Variants in EXOC2 observed in about 807,000 individuals in gnomAD.
The protein encoded by EXOC2 is SEC5-like 1.
A neutral mutation model predicts 131.8 loss-of-function variants in EXOC2; 70 were observed. The ratio of observed to expected loss-of-function variants is 0.53; its 90% CI spans 0.44 to 0.65. EXOC2 has a LOEUF of 0.65. Among genes scored for constraint, EXOC2 ranks in the 30% least tolerant of loss-of-function variants. The pLI is 0.00. For missense variants in EXOC2, 923 were observed against 1,108.6 expected (o/e 0.83, Z 2.38); for synonymous variants, 411 against 398.4 (o/e 1.03, Z -0.38).
chr6:548,680 C>T (rs1561843556), intron 22 of EXOC2, among the ~76,000 whole-genome samples: 1 of 152,116 alleles, frequency 6.6e-6, no homozygotes, highest in Non-Finnish European at 1.5e-5. Flanking sequence ...TGTGTGTGCA[C>T]GCGTGCATGC....
At chr6:530,476 G>C (rs6938671) in intron 23 of EXOC2, among the ~76,000 whole-genome samples, 1 of 152,080 alleles carries the variant, frequency 6.6e-6, no homozygotes, top group Non-Finnish European at 1.5e-5. Flanking sequence ...CGGGCACAGA[G>C]AGTGGCAAGA....
intron 1 of EXOC2, among the ~76,000 whole-genome samples, chr6:677,044 CT>C (rs2127789158): frequency 2.4e-5 from 1 of 41,670 alleles, no homozygotes; most frequent in South Asian, 9.2e-4. Flanking sequence ...GAAAGGACAG[CT>C]TTCTCTGGAG....
chr6:617,656 G>C, intron 6 of EXOC2, 55 bp downstream of exon 6: 4 of 1,585,892 alleles, frequency 2.5e-6, no homozygotes, highest in Non-Finnish European at 3.4e-6. Context: ...CCTGCAGGCA[G>C]TGCCGGGTTT....
chr6:531,283 T>C (rs1766061424), intron 23 of EXOC2, among the ~76,000 whole-genome samples: 1 of 145,988 alleles, frequency 6.8e-6, no homozygotes, highest in African/African-American at 2.6e-5. Context: ...CCGGTTTTAC[T>C]ATCATGAGAA....
chr6:519,040 G>A (rs2050132), intron 23 of EXOC2, among the ~76,000 whole-genome samples: 2 of 147,260 alleles, frequency 1.4e-5, no homozygotes, highest in Non-Finnish European at 3.1e-5. Context: ...ACACAGAACC[G>A]CGTGAGGGAT....
chr6:520,885 GCCAACACTCA>G (rs1765392176), intron 23 of EXOC2, among the ~76,000 whole-genome samples: 6 of 129,264 alleles, frequency 4.6e-5, no homozygotes, highest in African/African-American at 1.2e-4. Context: ...CCCACCGAGC[GCCAACACTCA>G]CCGTCCACAC....
chr6:571,823 C>T (rs1230686608), intron 13 of EXOC2, among the ~76,000 whole-genome samples: 1 of 152,160 alleles, frequency 6.6e-6, no homozygotes, highest in East Asian at 1.9e-4. Flanking sequence ...CAGCCTAGGA[C>T]AAAGGGCGTT....
intron 13 of EXOC2, among the ~76,000 whole-genome samples, chr6:571,061 C>T (rs1036070928): frequency 2.6e-5 from 4 of 152,198 alleles, no homozygotes; most frequent in Non-Finnish European, 2.9e-5. Flanking sequence ...CTTATCAGGA[C>T]AAAACTGAAA....
intron 1 of EXOC2, chr6:689,066 A>C (rs575315037): frequency 6.6e-6 from 1 of 152,234 alleles, no homozygotes; most frequent in African/African-American, 2.4e-5. Flanking sequence ...TCAACGCTGC[A>C]CTTGTCACTG....
chr6:507,570 T>C (rs1270014353), intron 23 of EXOC2, among the ~76,000 whole-genome samples: 1 of 152,170 alleles, frequency 6.6e-6, no homozygotes, highest in African/African-American at 2.4e-5. Flanking sequence ...GGGCTTTTGC[T>C]TGATGAGAAT....
intron 1 of EXOC2, chr6:670,277 C>T (rs1464107480): frequency 2.0e-5 from 3 of 152,204 alleles, no homozygotes; most frequent in Admixed American, 1.3e-4. Flanking sequence ...GGCTGTATGT[C>T]CCTGTGCAGG....
chr6:555,867 C>T (rs1038402392), intron 19 of EXOC2, 87 bp downstream of exon 19: 6 of 1,298,530 alleles, frequency 4.6e-6, no homozygotes, highest in African/African-American at 4.5e-5. Flanking sequence ...ATTTGGTGAA[C>T]GTCATCTGCA....
intron 13 of EXOC2, among the ~76,000 whole-genome samples, chr6:567,415 T>G (rs1039005895): frequency 6.6e-6 from 1 of 152,244 alleles, no homozygotes; most frequent in African/African-American, 2.4e-5. Flanking sequence ...ATTGCTGATA[T>G]TCTGTCTTAC....
chr6:617,862 T>C, intron 5 of EXOC2, 27 bp from the exon 6 acceptor site: 1 of 1,607,634 alleles, frequency 6.2e-7, no homozygotes. Flanking sequence ...AAACCAAAGT[T>C]TGACACTTCT....
At position 487,640 on chromosome 6, in the gene EXOC2, C is replaced by T. The variant is rs536666298; in HGVS notation, c.2682-876G>A. On this transcript the variant is annotated intron_variant, in intron 27 of 27. Coordinates refer to ENST00000230449, the MANE Select transcript of EXOC2 (RefSeq NM_018303.6). ...CAGGATGGTCTTGATTTCCTGAAGTCGTGATCCGCCCACCTCAGCCTCCCA... is the reference window on the plus strand; with the variant it reads ...CAGGATGGTCTTGATTTCCTGAAGTTGTGATCCGCCCACCTCAGCCTCCCA... Among the ~76,000 whole-genome samples the T allele has an allele frequency of 9.9e-5, 15 of 152,134 alleles. No homozygotes were observed. The South Asian group carries it at 2.3e-3, about 23-fold the overall frequency.
intron 10 of EXOC2, 143 bp from the exon 11 acceptor site, chr6:592,730 T>C: frequency 3.2e-6 from 2 of 620,852 alleles, no homozygotes; most frequent in Non-Finnish European, 5.5e-6. Flanking sequence ...CAATGAAATA[T>C]ATTCAAATTT....
chr6:586,993 T>C (rs1759245277), intron 11 of EXOC2, among the ~76,000 whole-genome samples: 1 of 152,194 alleles, frequency 6.6e-6, no homozygotes, highest in Non-Finnish European at 1.5e-5. Context: ...TATGAGAGGA[T>C]GCTCAAAGGA....
At chr6:600,649 A>ATTT (rs146340995) in intron 7 of EXOC2, among the ~76,000 whole-genome samples, 13,580 of 152,170 alleles carry the variant, frequency 0.089, 1,025 homozygotes, top group African/African-American at 0.21. Context: ...TTCTCATCTT[A>ATTT]TTAAAGTCGT....
intron 27 of EXOC2, 45 bp from the exon 28 acceptor site, chr6:486,809 G>A (rs369993004): frequency 3.2e-5 from 48 of 1,504,580 alleles, no homozygotes; most frequent in Non-Finnish European, 4.3e-5. Context: ...AGATGGGGCG[G>A]CCTAGCAACG....
Sources: allele counts gnomAD v4.1 joint callset (sites outside exome capture counted in the v4.1 genomes callset), GRCh38; gene constraint gnomAD v4.1.1; transcripts MANE v1.5; gene names NCBI Gene and HGNC (gene_info 2026-07-23, HGNC 2026-07-21).